The following SRGN variants were observed in gnomAD, a reference collection of about 807,000 sequenced individuals.
SRGN encodes hematopoetic proteoglycan core peptide.
Under a neutral mutation model 9.5 loss-of-function variants are expected in SRGN, and 2 were observed. That is an observed-to-expected ratio of 0.21 (90% CI 0.09 to 0.66). The LOEUF (loss-of-function observed/expected upper bound fraction) is 0.66. SRGN is among the 30% of genes least tolerant of loss of function. The pLI is 0.83. For missense variants in SRGN, 170 were observed against 192.4 expected (o/e 0.88, Z 0.69); for synonymous variants, 59 against 72.3 (o/e 0.82, Z 0.93).
intron 1 of SRGN, among the ~76,000 whole-genome samples, chr10:69,091,783 G>A (rs202014927): frequency 3.0e-4 from 44 of 146,006 alleles, no homozygotes; most frequent in African/African-American, 5.6e-4. Context: ...GAGAGGCTGA[G>A]GCAGGAGAAT....
chr10:69,088,338 G>A, intron 1 of SRGN, 102 bp downstream of exon 1: 1 of 1,007,610 alleles, frequency 9.9e-7, no homozygotes, highest in Non-Finnish European at 1.5e-6. Flanking sequence ...ATAATATTGT[G>A]AGAAAGGAGG....
chr10:69,097,026 C>G, intron 1 of SRGN, 58 bp from the exon 2 acceptor site: 1 of 1,566,248 alleles, frequency 6.4e-7, no homozygotes, highest in Non-Finnish European at 8.7e-7. Flanking sequence ...CTTCTTAGGA[C>G]AGAGTGATTA....
chr10:69,103,782 A>G lies in SRGN; in HGVS notation c.228-89A>G. The G allele has an allele frequency of 4.3e-6, 6 of 1,382,026 alleles. No homozygotes were observed. The South Asian group carries it at 7.0e-5, about 16-fold the overall frequency. The allele number at this position is 1,382,026 out of a possible 1,614,324, so 85.6% of individuals were successfully genotyped here. A position where few individuals can be genotyped will look rare whatever the true frequency, so the allele number is the denominator to read the frequency against. ...TTTGAGCAACTAGATGGCTGTATTT[A>G]TCTCCTTATATTAAAAAAACTATTA... On this transcript the variant is annotated intron_variant, in intron 2 of 2. Transcript: ENST00000242465.
intron 1 of SRGN, among the ~76,000 whole-genome samples, chr10:69,092,483 C>G (rs1385106217): frequency 6.6e-6 from 1 of 152,110 alleles, no homozygotes; most frequent in East Asian, 1.9e-4. Context: ...ATACAGTTCA[C>G]CCATTAAAAG....
In SRGN at chr10:69,104,011, T is replaced by A. The variant is rs1160828635; in HGVS notation, c.368T>A (p.Val123Glu). The change falls in exon 3 of 3, where the codon GTA becomes GAA. Residue 123 changes from valine to glutamate, a missense_variant. By Grantham distance (121) the Val-to-Glu change is moderately radical (BLOSUM62 -2). Coordinates refer to ENST00000242465, the MANE Select transcript of SRGN (RefSeq NM_002727.4). ...LTEMEQDYQL[V>E]DESDAFHDNL... is the part of the protein sequence containing the mutation. ...GAAATGGAACAGGATTACCAACTAG[T>A]AGACGAAAGTGATGCTTTCCATGAC... 6.2e-7 allele frequency: 1 copy of A among 1,614,104 alleles called. No homozygotes were observed. Among genetic ancestry groups the A allele is most frequent in the Non-Finnish European group, 8.5e-7 (1 of 1,180,048 alleles).
chr10:69,089,130 C>T (rs965342225), intron 1 of SRGN, among the ~76,000 whole-genome samples: 6 of 152,114 alleles, frequency 3.9e-5, no homozygotes, highest in African/African-American at 1.4e-4. Context: ...AGATTTGTTT[C>T]GTCAAAGCGA....
At chr10:69,096,877 C>T (rs1286125437) in intron 1 of SRGN, among the ~76,000 whole-genome samples, 1 of 151,982 alleles carries the variant, frequency 6.6e-6, no homozygotes, top group African/African-American at 2.4e-5. Context: ...CCCTGTATTC[C>T]CAGCTACTCA....
intron 2 of SRGN, among the ~76,000 whole-genome samples, chr10:69,098,096 T>C (rs182653956): frequency 1.1e-4 from 16 of 152,304 alleles, no homozygotes; most frequent in Admixed American, 1.0e-3. Flanking sequence ...GAGAGGAGCA[T>C]TGAGGACTTT....
intron 1 of SRGN, among the ~76,000 whole-genome samples, chr10:69,088,699 G>C (rs2132150757): frequency 6.9e-6 from 1 of 144,898 alleles, no homozygotes; most frequent in East Asian, 2.0e-4. Flanking sequence ...GAATCTGACT[G>C]TGTGTATTTT....
chr10:69,095,480 C>T (rs1331431290), intron 1 of SRGN, among the ~76,000 whole-genome samples: 2 of 152,228 alleles, frequency 1.3e-5, no homozygotes, highest in Non-Finnish European at 2.9e-5. Context: ...TTATTAGTTG[C>T]ACTCATTAGA....
At chr10:69,089,795 C>T (rs990429393) in intron 1 of SRGN, among the ~76,000 whole-genome samples, 9 of 152,050 alleles carry the variant, frequency 5.9e-5, no homozygotes, top group Admixed American at 2.0e-4. Context: ...ACTCAGGAGG[C>T]TGAGGCAGGA....
intron 1 of SRGN, among the ~76,000 whole-genome samples, chr10:69,094,831 G>A (rs972270333): frequency 1.3e-5 from 2 of 151,390 alleles, no homozygotes; most frequent in Non-Finnish European, 2.9e-5. Context: ...TGAACTCCTG[G>A]GCTCAAGTGA....
chr10:69,090,878 C>T (rs915337871), intron 1 of SRGN, among the ~76,000 whole-genome samples: 2 of 152,094 alleles, frequency 1.3e-5, no homozygotes, highest in East Asian at 3.8e-4. Context: ...TTTGATGAGG[C>T]CTGTGAATCT....
rs537233842 is a variant in SRGN at position 69,088,260 on chromosome 10, C to T, written c.79+24C>T. The T allele has an allele frequency of 6.9e-6, 11 of 1,591,434 alleles. No individual in the cohort carries two copies. The South Asian group carries it at 1.2e-4, about 18-fold the overall frequency. ...AGGTAAGACTCAGGAGTCTTGTTCC[C>T]CAGCCATCTTCTCTGTAAGCCCTGT... On this transcript the variant is annotated intron_variant, in intron 1 of 2. Coordinates refer to ENST00000242465, the MANE Select transcript of SRGN (RefSeq NM_002727.4).
At chr10:69,099,309 GTTTTT>G (rs59142650) in intron 2 of SRGN, among the ~76,000 whole-genome samples, 3 of 138,914 alleles carry the variant, frequency 2.2e-5, no homozygotes, top group African/African-American at 8.0e-5. Context: ...TTTCTCTTTT[GTTTTT>G]TTTTTTTTTT....
chr10:69,097,366 T>G (rs1202565971), intron 2 of SRGN, 135 bp downstream of exon 2: 1 of 625,190 alleles, frequency 1.6e-6, no homozygotes, highest in Non-Finnish European at 2.7e-6. Context: ...GTTCAAGCGA[T>G]TCTCCTGCTT....
chr10:69,090,882 T>G (rs1840038647), intron 1 of SRGN, among the ~76,000 whole-genome samples: 1 of 152,178 alleles, frequency 6.6e-6, no homozygotes, highest in Non-Finnish European at 1.5e-5. Context: ...ATGAGGCCTG[T>G]GAATCTTCCA....
intron 1 of SRGN, among the ~76,000 whole-genome samples, chr10:69,091,896 AAAAAAAAAAAAAGAAAAAG>A (rs1564658911): frequency 6.1e-5 from 6 of 98,364 alleles, no homozygotes; most frequent in Non-Finnish European, 1.5e-4. Context: ...AAAAAAAAAA[AAAAAAAAAAAAAGAAAAAG>A]AAAAGAAAAG....
intron 1 of SRGN, among the ~76,000 whole-genome samples, chr10:69,092,061 G>A (rs1200372199): frequency 6.6e-6 from 1 of 151,810 alleles, no homozygotes; most frequent in Non-Finnish European, 1.5e-5. Context: ...GGTAAAGCAG[G>A]ACTCAGGGTG....
Sources: gnomAD v4.1 joint callset for allele counts (sites outside exome capture counted in the v4.1 genomes callset) on GRCh38, gnomAD v4.1.1 for gene constraint, MANE v1.5 for transcripts, NCBI Gene and HGNC (gene_info 2026-07-23, HGNC 2026-07-21) for gene names.